Variants in EXOC4 observed in about 807,000 individuals in gnomAD.
The protein encoded by EXOC4 is exocyst complex component 4.
EXOC4 carries 71 observed loss-of-function variants against 107.2 expected under a neutral mutation model. The observed-to-expected ratio is 0.66, with a 90% CI of 0.55 to 0.81. EXOC4 has a LOEUF of 0.81. EXOC4 is among the 30% of genes least tolerant of loss of function. EXOC4 has a pLI of 0.00. For synonymous variants in EXOC4, 456 were observed against 441.2 expected (o/e 1.03, Z -0.42); for missense variants, 1,108 against 1,189.6 (o/e 0.93, Z 1.01).
intron 11 of EXOC4, among the ~76,000 whole-genome samples, chr7:133,877,065 C>T (rs532486190): frequency 2.6e-5 from 4 of 151,864 alleles, no homozygotes; most frequent in African/African-American, 4.8e-5. Context: ...GATATTGTTT[C>T]GCAGTTCGCT....
intron 10 of EXOC4, among the ~76,000 whole-genome samples, chr7:133,645,621 T>G (rs12333918): frequency 0.43 from 64,768 of 151,836 alleles, 14,662 homozygotes; most frequent in Admixed American, 0.56. Flanking sequence ...GTGATTTTTT[T>G]ATGGAAATTA....
intron 10 of EXOC4, among the ~76,000 whole-genome samples, chr7:133,778,291 T>C (rs957927824): frequency 2.0e-5 from 3 of 152,226 alleles, no homozygotes; most frequent in Admixed American, 6.5e-5. Flanking sequence ...GTCTGAGATA[T>C]TATCTCATTT....
intron 9 of EXOC4, among the ~76,000 whole-genome samples, chr7:133,627,843 T>C (rs1057107402): frequency 6.6e-6 from 1 of 152,218 alleles, no homozygotes; most frequent in African/African-American, 2.4e-5. Flanking sequence ...TATTTTTTGT[T>C]ATTCTTAAGA....
At chr7:133,313,376 T>C (rs1454958634) in intron 4 of EXOC4, among the ~76,000 whole-genome samples, 1 of 152,222 alleles carries the variant, frequency 6.6e-6, no homozygotes, top group East Asian at 1.9e-4. Flanking sequence ...TAAGGGCACG[T>C]TATCTTTGAC....
At chr7:133,869,887 G>A (rs1184461246) in intron 11 of EXOC4, among the ~76,000 whole-genome samples, 1 of 152,192 alleles carries the variant, frequency 6.6e-6, no homozygotes, top group African/African-American at 2.4e-5. Context: ...TCAATCCACA[G>A]CTTGCCACTT....
chr7:133,789,152 A>G (rs1055812598), intron 10 of EXOC4, among the ~76,000 whole-genome samples: 15 of 152,200 alleles, frequency 9.9e-5, no homozygotes, highest in South Asian at 2.1e-4. Context: ...TAAAGTTCCA[A>G]TTCTTCACCA....
rs1797644357 is a variant in EXOC4, at chr7:133,423,250, AAATAG to A, written c.1182+48252_1182+48256del. Among the ~76,000 whole-genome samples, 4 of 4,208 alleles carry A rather than the reference AAATAG, an allele frequency of 9.5e-4. 1 individual carries two copies. Among genetic ancestry groups the A allele is most frequent in the African/African-American group, 8.0e-3 (4 of 498 alleles). The allele number at this position is 4,208 out of a possible 152,430, so 2.8% of individuals were successfully genotyped here. A position where few individuals can be genotyped will look rare whatever the true frequency, so the allele number is the denominator to read the frequency against. ...CCAAAAAAAAAAAAAAAAAAAAAAA[AAATAG>A]AATTAATGGAGCAATCCAAAATGAG... is the stretch of plus-strand genomic sequence containing the variant. On this transcript the variant is annotated intron_variant, in intron 7 of 17. Coordinates refer to ENST00000253861, the MANE Select transcript of EXOC4 (RefSeq NM_021807.4).
At chr7:133,314,880 G>A (rs1401448779) in intron 4 of EXOC4, 1 of 152,076 alleles carries the variant, frequency 6.6e-6, no homozygotes, top group Non-Finnish European at 1.5e-5. Context: ...ATTTAAAGTT[G>A]AAGTTTTTTT....
chr7:134,086,825 T>A, the EXOC4 span, among the ~76,000 whole-genome samples: 200 of 152,328 alleles, frequency 1.3e-3, no homozygotes, highest in African/African-American at 4.8e-3. Context: ...TTTTTATGGT[T>A]ATTTCTTGAT....
At chr7:133,882,763 A>G (rs568532254) in intron 11 of EXOC4, among the ~76,000 whole-genome samples, 1 of 152,288 alleles carries the variant, frequency 6.6e-6, no homozygotes, top group East Asian at 1.9e-4. Flanking sequence ...AGGTAGCTGA[A>G]TCATAGAGAG....
intron 5 of EXOC4, among the ~76,000 whole-genome samples, chr7:133,345,144 C>T (rs990715607): frequency 4.6e-5 from 7 of 152,084 alleles, no homozygotes; most frequent in Admixed American, 3.3e-4. Flanking sequence ...TATTTTTCTT[C>T]ATTTTGAGTT....
intron 11 of EXOC4, among the ~76,000 whole-genome samples, chr7:133,830,747 C>G (rs1038962522): frequency 6.6e-6 from 1 of 152,152 alleles, no homozygotes; most frequent in African/African-American, 2.4e-5. Context: ...GCATTTGTTA[C>G]AATTAATGAG....
intron 9 of EXOC4, among the ~76,000 whole-genome samples, chr7:133,492,348 G>C (rs1330090129): frequency 6.6e-6 from 1 of 152,166 alleles, no homozygotes; most frequent in Non-Finnish European, 1.5e-5. Flanking sequence ...GATGTCATTT[G>C]TTAAGACAGG....
At chr7:133,280,148 C>T (rs1356502104) in intron 2 of EXOC4, among the ~76,000 whole-genome samples, 1 of 152,088 alleles carries the variant, frequency 6.6e-6, no homozygotes, top group Admixed American at 6.5e-5. Flanking sequence ...TTTATAGAGA[C>T]GAGGTCTCAA....
At chr7:133,620,327 A>G (rs1291833771) in intron 9 of EXOC4, among the ~76,000 whole-genome samples, 1 of 152,018 alleles carries the variant, frequency 6.6e-6, no homozygotes, top group African/African-American at 2.4e-5. Context: ...GGGCCCAGCC[A>G]TTTTCTGTTA....
intron 7 of EXOC4, among the ~76,000 whole-genome samples, chr7:133,469,563 A>G (rs1326844893): frequency 6.6e-6 from 1 of 152,234 alleles, no homozygotes; most frequent in Non-Finnish European, 1.5e-5. Context: ...TATAAATGTC[A>G]ATAGATTCAT....
chr7:133,676,927 C>CTCTGTG (rs1554382479), intron 10 of EXOC4, among the ~76,000 whole-genome samples: 1 of 124,662 alleles, frequency 8.0e-6, no homozygotes, highest in African/African-American at 2.9e-5. Context: ...GTAGTAAACT[C>CTCTGTG]TGTGTGTGTG....
intron 10 of EXOC4, among the ~76,000 whole-genome samples, chr7:133,782,020 C>T (rs1796479123): frequency 6.6e-6 from 1 of 152,136 alleles, no homozygotes; most frequent in Non-Finnish European, 1.5e-5. Context: ...CTATGTGAAT[C>T]GTTTTGTGAG....
chr7:133,425,403 C>T (rs1352338116), intron 7 of EXOC4, among the ~76,000 whole-genome samples: 1 of 152,146 alleles, frequency 6.6e-6, no homozygotes, highest in East Asian at 1.9e-4. Context: ...TCTGCTGTCT[C>T]AGTCTCCTGA....
Sources: allele counts gnomAD v4.1 joint callset (sites outside exome capture counted in the v4.1 genomes callset), GRCh38; gene constraint gnomAD v4.1.1; transcripts MANE v1.5; gene names NCBI Gene and HGNC (gene_info 2026-07-23, HGNC 2026-07-21).